Variants in WWOX observed in about 807,000 individuals in gnomAD.
WWOX encodes the protein WW domain-containing oxidoreductase.
Under a neutral mutation model 46.2 loss-of-function variants are expected in WWOX, and 69 were observed. The ratio of observed to expected loss-of-function variants is 1.49; its 90% confidence interval spans 1.23 to 1.82. The LOEUF is 1.82. Among genes scored for constraint, WWOX ranks in the 40% most tolerant of loss-of-function variants. The pLI is 0.00. For synonymous variants in WWOX, 359 were observed against 202.6 expected (o/e 1.77, Z -6.56); for missense variants, 919 against 542.6 (o/e 1.69, Z -6.89).
At chr16:78,528,670 G>C (rs1388037102) in intron 8 of WWOX, among the ~76,000 whole-genome samples, 1 of 152,070 alleles carries the variant, frequency 6.6e-6, no homozygotes, top group Non-Finnish European at 1.5e-5. Context: ...AGGTGCCTCT[G>C]GGCTTTTTAA....
intron 5 of WWOX, among the ~76,000 whole-genome samples, chr16:78,246,572 T>G (rs1037473881): frequency 6.6e-6 from 1 of 152,246 alleles, no homozygotes; most frequent in African/African-American, 2.4e-5. Context: ...AGCTGGTTTT[T>G]ATGTCAGTTA....
intron 6 of WWOX, among the ~76,000 whole-genome samples, chr16:78,390,142 C>T (rs973549296): frequency 1.3e-5 from 2 of 152,198 alleles, no homozygotes; most frequent in African/African-American, 2.4e-5. Flanking sequence ...GGTTTCACTC[C>T]AGTCTGCCTC....
At chr16:78,859,200 C>G (rs935357711) in intron 8 of WWOX, among the ~76,000 whole-genome samples, 1 of 151,176 alleles carries the variant, frequency 6.6e-6, no homozygotes, top group African/African-American at 2.4e-5. Flanking sequence ...ATGAAGGGGC[C>G]TAAAATGAGT....
intron 8 of WWOX, among the ~76,000 whole-genome samples, chr16:78,652,478 A>C (rs2046989240): frequency 6.6e-6 from 1 of 152,114 alleles, no homozygotes; most frequent in African/African-American, 2.4e-5. Flanking sequence ...AATTCCAAAT[A>C]CAATTGAGGA....
chr16:78,408,826 G>A (rs2082607221), intron 6 of WWOX, among the ~76,000 whole-genome samples: 1 of 152,164 alleles, frequency 6.6e-6, no homozygotes, highest in Non-Finnish European at 1.5e-5. Context: ...TGGGCATCTG[G>A]GAACGAGTGA....
intron 8 of WWOX, among the ~76,000 whole-genome samples, chr16:79,196,695 G>C (rs1050983394): frequency 2.0e-5 from 3 of 152,010 alleles, no homozygotes; most frequent in African/African-American, 7.3e-5. Flanking sequence ...CAGGGATTCA[G>C]ATCCTGTCTC....
Position 78,541,024 on chromosome 16 carries a change from G to T in WWOX, c.1056+108272G>T, listed in dbSNP as rs2043879167. ...TAAGGTCATTGTCAGCTGAGTTGGG[G>T]AGGTGGCGTGGGTAGATACAATTAA... On this transcript the variant is annotated intron_variant, in intron 8 of 8. Coordinates refer to ENST00000566780, the MANE Select transcript of WWOX (RefSeq NM_016373.4). Among the ~76,000 whole-genome samples, 3 of 152,106 alleles carry T rather than the reference G, an allele frequency of 2.0e-5. No individual in the cohort carries two copies. In the South Asian group the frequency reaches 6.2e-4, roughly 32 times the overall value.
intron 7 of WWOX, 147 bp from the exon 8 acceptor site, chr16:78,432,341 G>C: frequency 9.5e-7 from 1 of 1,055,424 alleles, no homozygotes; most frequent in Non-Finnish European, 1.4e-6. Flanking sequence ...CCCGACCTCA[G>C]GTGATCCACT....
intron 8 of WWOX, among the ~76,000 whole-genome samples, chr16:78,640,877 T>G (rs2142113598): frequency 6.7e-6 from 1 of 148,816 alleles, no homozygotes; most frequent in East Asian, 2.0e-4. Context: ...AAGCAGAGGT[T>G]GCAGTGAGCC....
chr16:78,455,545 A>C (rs567090018), intron 8 of WWOX, among the ~76,000 whole-genome samples: 1 of 146,438 alleles, frequency 6.8e-6, no homozygotes, highest in Admixed American at 7.0e-5. Flanking sequence ...CTGGATGCTG[A>C]GGCACGAGAA....
chr16:78,774,909 G>A lies in WWOX; in HGVS notation c.1056+342157G>A, dbSNP rs547024806. 2.1e-3 allele frequency among the ~76,000 whole-genome samples: 313 copies of A among 152,250 alleles called. 1 individual carries two copies. Among genetic ancestry groups the A allele is most frequent in the African/African-American group, 7.2e-3 (299 of 41,536 alleles). On this transcript the variant is annotated intron_variant, in intron 8 of 8. Transcript: ENST00000566780. Reference sequence around the variant, plus strand: ...GCACTAAGACAGATGGAACGTCACCGTTGCCCATAGCACTCATGGACAGCA... The same window carrying A: ...GCACTAAGACAGATGGAACGTCACCATTGCCCATAGCACTCATGGACAGCA...
chr16:78,783,284 G>C (rs1220679236), intron 8 of WWOX, among the ~76,000 whole-genome samples: 1 of 152,228 alleles, frequency 6.6e-6, no homozygotes, highest in Non-Finnish European at 1.5e-5. Flanking sequence ...TCTCCTTACA[G>C]TGTGTGTGGC....
At chr16:78,848,537 C>G (rs187177516) in intron 8 of WWOX, among the ~76,000 whole-genome samples, 1 of 152,122 alleles carries the variant, frequency 6.6e-6, no homozygotes, top group Non-Finnish European at 1.5e-5. Context: ...ATGGAAAGTC[C>G]TTTATGTGGT....
At chr16:79,111,668 G>T (rs2049419071) in intron 8 of WWOX, among the ~76,000 whole-genome samples, 3 of 152,174 alleles carry the variant, frequency 2.0e-5, no homozygotes, top group African/African-American at 4.8e-5. Flanking sequence ...GGTAATTCTG[G>T]AGGCAAATCA....
intron 8 of WWOX, among the ~76,000 whole-genome samples, chr16:79,011,135 CCACACACACA>C (rs10611855): frequency 0.045 from 6,583 of 146,262 alleles, 419 homozygotes; most frequent in African/African-American, 0.14. Flanking sequence ...ACTCACACAT[CCACACACACA>C]CACACACACA....
intron 8 of WWOX, among the ~76,000 whole-genome samples, chr16:78,510,219 CTTT>C (rs913162950): frequency 2.0e-5 from 3 of 152,100 alleles, no homozygotes; most frequent in African/African-American, 7.2e-5. Context: ...TTTCATCCTT[CTTT>C]TTTTGGAGAT....
intron 8 of WWOX, among the ~76,000 whole-genome samples, chr16:78,661,805 G>C (rs956095718): frequency 6.6e-6 from 1 of 152,226 alleles, no homozygotes; most frequent in Non-Finnish European, 1.5e-5. Context: ...GAGAGGCCGA[G>C]GCCGGTGTAT....
intron 8 of WWOX, among the ~76,000 whole-genome samples, chr16:79,084,162 C>G (rs1405078256): frequency 6.6e-6 from 1 of 152,140 alleles, no homozygotes; most frequent in Admixed American, 6.5e-5. Flanking sequence ...CCGCAGCTCT[C>G]AGGCACTCTT....
chr16:78,143,383 C>T (rs997130180), intron 4 of WWOX, among the ~76,000 whole-genome samples: 1 of 152,020 alleles, frequency 6.6e-6, no homozygotes, highest in East Asian at 1.9e-4. Flanking sequence ...AGTTTAGAAC[C>T]GAATGTTAAA....
Sources: allele counts gnomAD v4.1 joint callset (sites outside exome capture counted in the v4.1 genomes callset), GRCh38; gene constraint gnomAD v4.1.1; transcripts MANE v1.5; gene names NCBI Gene and HGNC (gene_info 2026-07-23, HGNC 2026-07-21).